The following DGKB variants were observed in gnomAD, a reference collection of about 807,000 sequenced individuals.
DGKB encodes the protein 90 kDa diacylglycerol kinase.
DGKB carries 67 observed loss-of-function variants against 114.3 expected under a neutral mutation model. The observed-to-expected ratio is 0.59, with a 90% CI of 0.48 to 0.72. The LOEUF (loss-of-function observed/expected upper bound fraction) is 0.72, where lower values mean the gene tolerates loss of function less well. Ranked by LOEUF, DGKB falls within the 30% of genes least tolerant of loss-of-function variation. The pLI is 0.00. For synonymous variants in DGKB, 398 were observed against 323.1 expected, an observed-to-expected ratio of 1.23 and a Z score of -2.49; for missense variants, 907 against 975.2, an observed-to-expected ratio of 0.93 and a Z score of 0.93.
At chr7:14,739,749 G>A (rs967872967) in intron 4 of DGKB, among the ~76,000 whole-genome samples, 5 of 152,140 alleles carry the variant, frequency 3.3e-5, no homozygotes, top group African/African-American at 9.7e-5. Context: ...CACCCCTTGC[G>A]TCACTCTTGG....
chr7:14,435,363 A>G (rs983092579), intron 21 of DGKB, among the ~76,000 whole-genome samples: 4 of 152,080 alleles, frequency 2.6e-5, no homozygotes, highest in African/African-American at 9.7e-5. Context: ...GTAGAGGACT[A>G]ATTAAAATCA....
intron 7 of DGKB, among the ~76,000 whole-genome samples, chr7:14,699,583 A>G (rs965379153): frequency 1.3e-5 from 2 of 152,194 alleles, no homozygotes; most frequent in Non-Finnish European, 2.9e-5. Context: ...TATTATTATT[A>G]GAAATAGTGG....
intron 21 of DGKB, among the ~76,000 whole-genome samples, chr7:14,451,489 G>A (rs1354901004): frequency 6.6e-5 from 10 of 151,654 alleles, no homozygotes; most frequent in Non-Finnish European, 1.2e-4. Flanking sequence ...GGATCTTGCA[G>A]CTTCTTAGCC....
rs527561061 is a variant in DGKB, at chr7:14,461,162, T to C, written c.1835+16999A>G. ...AGGAAAGAGCAGGAAAGGTCTAAAA[T>C]CAACACCCTAACATCACAATTAAAA... On this transcript the variant is annotated intron_variant, in intron 21 of 25. Transcript: ENST00000402815. 2.0e-5 allele frequency among the ~76,000 whole-genome samples: 3 copies of C among 152,184 alleles called. No individual in the cohort carries two copies. The East Asian group carries it at 5.8e-4, about 29-fold the overall frequency.
chr7:14,356,539 T>A (rs983217530), intron 21 of DGKB, among the ~76,000 whole-genome samples: 1 of 151,898 alleles, frequency 6.6e-6, no homozygotes, highest in African/African-American at 2.4e-5. Context: ...TTTTTTGTAT[T>A]TTTAGTAGAG....
chr7:14,338,806 G>T, intron 22 of DGKB, 96 bp from the exon 23 acceptor site: 1 of 746,572 alleles, frequency 1.3e-6, no homozygotes, highest in Non-Finnish European at 1.9e-6. Flanking sequence ...TAAGTGCGTT[G>T]AAATCCATAA....
chr7:14,355,250 A>G (rs1029633218), intron 21 of DGKB, among the ~76,000 whole-genome samples: 7 of 152,082 alleles, frequency 4.6e-5, no homozygotes, highest in Non-Finnish European at 1.5e-5. Context: ...GTGTGAGAAT[A>G]TAAGAATATA....
intron 21 of DGKB, among the ~76,000 whole-genome samples, chr7:14,368,805 G>A (rs1194868086): frequency 2.6e-5 from 4 of 152,102 alleles, no homozygotes; most frequent in Non-Finnish European, 4.4e-5. Context: ...TAGGGAAAAC[G>A]CTTGTGAGGG....
intron 20 of DGKB, among the ~76,000 whole-genome samples, chr7:14,509,690 T>C (rs2128972893): frequency 6.6e-6 from 1 of 152,278 alleles, no homozygotes; most frequent in South Asian, 2.1e-4. Flanking sequence ...GCCCGAGAGC[T>C]CTGGGCCGTG....
chr7:14,857,258 T>TTGTGTGTGTGTGTGTGTGTGTGTCTG (rs140695633), intron 1 of DGKB, among the ~76,000 whole-genome samples: 1 of 138,262 alleles, frequency 7.2e-6, no homozygotes, highest in Non-Finnish European at 1.6e-5. Context: ...CTGTGTGTGT[T>TTGTGTGTGTGTGTGTGTGTGTGTCTG]TGTGTGTGTG....
intron 13 of DGKB, among the ~76,000 whole-genome samples, chr7:14,647,941 T>C (rs1039657213): frequency 2.0e-5 from 3 of 152,192 alleles, no homozygotes; most frequent in Non-Finnish European, 2.9e-5. Flanking sequence ...TCTGACGGGC[T>C]TAAAAAATGG....
At chr7:14,923,296 G>C (rs1200549950) in intron 1 of DGKB, among the ~76,000 whole-genome samples, 6 of 152,078 alleles carry the variant, frequency 3.9e-5, no homozygotes, top group African/African-American at 7.2e-5. Flanking sequence ...TATATCTTCA[G>C]TTATTCCCCT....
intron 21 of DGKB, among the ~76,000 whole-genome samples, chr7:14,369,147 A>T (rs371376806): frequency 6.6e-6 from 1 of 151,422 alleles, no homozygotes; most frequent in African/African-American, 2.4e-5. Flanking sequence ...TTTAACTCCC[A>T]ATTATGAGTG....
chr7:14,686,010 T>C (rs932136103), intron 9 of DGKB, among the ~76,000 whole-genome samples: 48 of 152,322 alleles, frequency 3.2e-4, no homozygotes, highest in African/African-American at 1.0e-3. Flanking sequence ...GATTTCATTA[T>C]GTTACCATTT....
intron 21 of DGKB, among the ~76,000 whole-genome samples, chr7:14,359,190 C>G (rs1391215643): frequency 6.6e-6 from 1 of 152,078 alleles, no homozygotes; most frequent in Non-Finnish European, 1.5e-5. Context: ...TGATCTTTGA[C>G]AAACCTGACA....
rs145780237 is a variant in DGKB, at chr7:14,887,514, A to T, written c.-188+15078T>A. Among the ~76,000 whole-genome samples the T allele has an allele frequency of 2.2e-3, 338 of 151,846 alleles. 1 individual carries two copies. Among genetic ancestry groups the T allele is most frequent in the African/African-American group, 7.9e-3 (328 of 41,486 alleles). On this transcript the variant is annotated intron_variant, in intron 1 of 25. Transcript: ENST00000402815. ...CTCTTCTGGTTACAGGTCTACAAAC[A>T]ACTCCCAGATTTTTGTCTCCAACAA...
chr7:14,499,708 A>C (rs527533094), intron 20 of DGKB, among the ~76,000 whole-genome samples: 2 of 151,972 alleles, frequency 1.3e-5, no homozygotes, highest in South Asian at 4.1e-4. Flanking sequence ...CATGATTCCT[A>C]GTACATAACC....
chr7:14,597,354 T>G (rs752643488), intron 17 of DGKB, among the ~76,000 whole-genome samples: 4 of 152,170 alleles, frequency 2.6e-5, no homozygotes, highest in Non-Finnish European at 5.9e-5. Context: ...TCAACAAACA[T>G]CTGCCATTTT....
At chr7:14,652,814 A>C (rs1814861263) in intron 13 of DGKB, among the ~76,000 whole-genome samples, 1 of 152,226 alleles carries the variant, frequency 6.6e-6, no homozygotes, top group Non-Finnish European at 1.5e-5. Flanking sequence ...CAAGAAAAAA[A>C]CAAACAACCC....
Sources: allele counts gnomAD v4.1 joint callset (sites outside exome capture counted in the v4.1 genomes callset), GRCh38; gene constraint gnomAD v4.1.1; transcripts MANE v1.5; gene names NCBI Gene and HGNC (gene_info 2026-07-23, HGNC 2026-07-21).